The following SH3D19 variants were observed in gnomAD, a reference collection of about 807,000 sequenced individuals.
The protein encoded by SH3D19 is SH3 domain containing 19.
SH3D19 carries 58 observed loss-of-function variants against 112.1 expected under a neutral mutation model. The observed-to-expected ratio is 0.52, with a 90% CI of 0.42 to 0.64. SH3D19 has a LOEUF of 0.64. Among genes scored for constraint, SH3D19 ranks in the 30% least tolerant of loss-of-function variants. The probability of loss-of-function intolerance (pLI) is 0.00; values close to 1 mark genes in which losing one functional copy is unlikely to be tolerated. For synonymous variants in SH3D19, 391 were observed against 448.5 expected (o/e 0.87, Z 1.62); for missense variants, 1,090 against 1,263.4 (o/e 0.86, Z 2.08).
intron 2 of SH3D19, among the ~76,000 whole-genome samples, chr4:151,193,627 C>T (rs1242152085): frequency 6.6e-6 from 1 of 152,138 alleles, no homozygotes; most frequent in Non-Finnish European, 1.5e-5. Context: ...CACACAGTGA[C>T]TTTACTAAGA....
At chr4:151,221,863 A>G (rs1029952493) in intron 2 of SH3D19, among the ~76,000 whole-genome samples, 2 of 152,178 alleles carry the variant, frequency 1.3e-5, no homozygotes, top group African/African-American at 4.8e-5. Flanking sequence ...GGGTCAATAG[A>G]TTCTCAGAGA....
At chr4:151,308,692 T>C (rs1010636714) in intron 1 of SH3D19, among the ~76,000 whole-genome samples, 1 of 152,200 alleles carries the variant, frequency 6.6e-6, no homozygotes, top group African/African-American at 2.4e-5. Context: ...GCCAATTATT[T>C]AGTACCTTAG....
intron 1 of SH3D19, among the ~76,000 whole-genome samples, chr4:151,314,029 C>T (rs986660351): frequency 1.3e-5 from 2 of 152,170 alleles, no homozygotes; most frequent in Non-Finnish European, 2.9e-5. Flanking sequence ...AGAGAAAAAG[C>T]AGTTAACTAT....
At chr4:151,288,697 AG>A (rs1300952176) in intron 1 of SH3D19, among the ~76,000 whole-genome samples, 1 of 152,140 alleles carries the variant, frequency 6.6e-6, no homozygotes, top group Non-Finnish European at 1.5e-5. Context: ...AAAAGAAAAA[AG>A]CAACTGTATT....
At chr4:151,135,035 C>A in intron 15 of SH3D19, 39 bp downstream of exon 15, 1 of 1,494,912 alleles carries the variant, frequency 6.7e-7, no homozygotes, top group Non-Finnish European at 9.3e-7. Flanking sequence ...ATGGTTATCT[C>A]CTTTGTATTT....
intron 12 of SH3D19, chr4:151,140,631 C>A (rs1752824790): frequency 6.6e-6 from 1 of 152,240 alleles, no homozygotes; most frequent in African/African-American, 2.4e-5. Context: ...TCCTCATCAT[C>A]ATCAAATCCC....
intron 2 of SH3D19, among the ~76,000 whole-genome samples, chr4:151,215,039 C>CG (rs368131977): frequency 0.086 from 12,583 of 146,510 alleles, 743 homozygotes; most frequent in East Asian, 0.2. Context: ...GACGGGGCGG[C>CG]GGGGCAAAGG....
At chr4:151,243,988 G>C (rs12510153) in intron 1 of SH3D19, among the ~76,000 whole-genome samples, 8,884 of 152,236 alleles carry the variant, frequency 0.058, 446 homozygotes, top group East Asian at 0.18. Context: ...ACTCACTGTG[G>C]AATTTCCAGA....
At chr4:151,299,601 A>AAAAAAG (rs5862957) in intron 1 of SH3D19, among the ~76,000 whole-genome samples, 1 of 147,904 alleles carries the variant, frequency 6.8e-6, no homozygotes. Flanking sequence ...AAAAAAAAAA[A>AAAAAAG]TTAAAATCAC....
At chr4:151,284,861 C>G (rs993326109) in intron 1 of SH3D19, among the ~76,000 whole-genome samples, 1 of 152,160 alleles carries the variant, frequency 6.6e-6, no homozygotes, top group Admixed American at 6.5e-5. Context: ...GGAGTCTAAC[C>G]TGCACATGTA....
At chr4:151,126,834 A>G (rs1749484319) in intron 19 of SH3D19, among the ~76,000 whole-genome samples, 1 of 146,866 alleles carries the variant, frequency 6.8e-6, no homozygotes, top group Admixed American at 6.9e-5. Flanking sequence ...GAAAATATCT[A>G]CTTTTACTTT....
chr4:151,216,655 A>C (rs1461053767), intron 2 of SH3D19, among the ~76,000 whole-genome samples: 5 of 152,176 alleles, frequency 3.3e-5, no homozygotes, highest in Admixed American at 6.5e-5. Flanking sequence ...AAAAAGTAAT[A>C]AACACAAGAC....
chr4:151,278,855 A>G (rs1295760739), intron 1 of SH3D19, among the ~76,000 whole-genome samples: 8 of 151,804 alleles, frequency 5.3e-5, no homozygotes, highest in Non-Finnish European at 1.5e-5. Context: ...CTGGTTTTGA[A>G]CTCCTGGACT....
At chr4:151,126,824 G>A (rs935883668) in intron 19 of SH3D19, among the ~76,000 whole-genome samples, 15 of 94,286 alleles carry the variant, frequency 1.6e-4, no homozygotes, top group Non-Finnish European at 1.7e-4. Context: ...AAAAAGAAAA[G>A]AAAATATCTA....
chr4:151,179,472 A>G, intron 3 of SH3D19, 75 bp from the exon 4 acceptor site: 1 of 807,580 alleles, frequency 1.2e-6, no homozygotes, highest in Non-Finnish European at 1.7e-6. Context: ...TACAAAGTAC[A>G]CAATTGGAAA....
At chr4:151,165,911 T>C in intron 7 of SH3D19, 1 of 485,958 alleles carries the variant, frequency 2.1e-6, no homozygotes, top group Non-Finnish European at 3.7e-6. Flanking sequence ...TTTCTTCCTC[T>C]CTGATGAGAG....
chr4:151,204,710 G>A (rs1764855638), intron 2 of SH3D19, among the ~76,000 whole-genome samples: 1 of 152,066 alleles, frequency 6.6e-6, no homozygotes, highest in African/African-American at 2.4e-5. Context: ...TTGTTGTTTT[G>A]CCTCAGGCTT....
chr4:151,143,229 CAA>C (rs200054803), intron 12 of SH3D19, among the ~76,000 whole-genome samples: 423 of 116,934 alleles, frequency 3.6e-3, no homozygotes, highest in Non-Finnish European at 4.9e-3. Context: ...GACCTTATCT[CAA>C]AAAAAAAAAA....
chr4:151,147,897 A>C, intron 11 of SH3D19, 25 bp downstream of exon 11: 2 of 1,573,348 alleles, frequency 1.3e-6, no homozygotes, highest in African/African-American at 1.4e-5. Flanking sequence ...TCTTGACCAC[A>C]AACATTTTTA....
Sources: gnomAD v4.1 joint callset for allele counts (sites outside exome capture counted in the v4.1 genomes callset) on GRCh38, gnomAD v4.1.1 for gene constraint, MANE v1.5 for transcripts, NCBI Gene and HGNC (gene_info 2026-07-23, HGNC 2026-07-21) for gene names.